The following APC variants were observed in gnomAD, a reference collection of about 807,000 sequenced individuals.
APC encodes adenomatous polyposis coli protein.
A neutral mutation model predicts 247.0 loss-of-function variants in APC; 72 were observed. The ratio of observed to expected loss-of-function variants is 0.29; its 90% confidence interval spans 0.24 to 0.35. APC has a LOEUF of 0.35. Ranked by LOEUF, APC falls within the 10% of genes least tolerant of loss-of-function variation. APC has a pLI of 1.00. For missense variants in APC, 3,400 were observed against 3,360.7 expected (o/e 1.01, Z -0.29); for synonymous variants, 1,254 against 1,162.5 (o/e 1.08, Z -1.60).
intron 14 of APC, among the ~76,000 whole-genome samples, chr5:112,831,113 A>ATT (rs5870514): frequency 3.2e-4 from 46 of 145,980 alleles, no homozygotes; most frequent in African/African-American, 9.5e-4. Context: ...TCTTCTATAA[A>ATT]TTTTTTTTTT....
chr5:112,740,826 T>C (rs1349755426), intron 1 of APC, among the ~76,000 whole-genome samples: 1 of 152,180 alleles, frequency 6.6e-6, no homozygotes, highest in African/African-American at 2.4e-5. Context: ...CATGAAGTTT[T>C]TCCATTTGCA....
At chr5:112,758,938 G>A (rs1755325427) in intron 2 of APC, among the ~76,000 whole-genome samples, 1 of 152,090 alleles carries the variant, frequency 6.6e-6, no homozygotes, top group South Asian at 2.1e-4. Flanking sequence ...AAAATACTGA[G>A]TATAGCAACA....
intron 1 of APC, among the ~76,000 whole-genome samples, chr5:112,726,029 C>G (rs1486257307): frequency 6.6e-6 from 1 of 152,114 alleles, no homozygotes; most frequent in Non-Finnish European, 1.5e-5. Context: ...GGCCACCGTC[C>G]ATGCTCAAAC....
At chr5:112,798,080 A>G (rs1319198905) in intron 7 of APC, among the ~76,000 whole-genome samples, 1 of 152,206 alleles carries the variant, frequency 6.6e-6, no homozygotes, top group Non-Finnish European at 1.5e-5. Flanking sequence ...GTATCTGGCC[A>G]AGAGAAATGA....
chr5:112,815,751 C>T (rs1449208081), intron 9 of APC, among the ~76,000 whole-genome samples, 158 bp downstream of exon 9: 6 of 152,262 alleles, frequency 3.9e-5, no homozygotes, highest in South Asian at 4.1e-4. Flanking sequence ...GCCTGGGCAA[C>T]GTGGCAAAAC....
chr5:112,836,009 C>CT (rs371484714), intron 15 of APC, among the ~76,000 whole-genome samples: 1,179 of 106,274 alleles, frequency 0.011, 50 homozygotes, highest in Non-Finnish European at 0.016. Flanking sequence ...ATACAACTGT[C>CT]TTTTTTTTTT....
chr5:112,759,845 T>C (rs1755453854), intron 2 of APC, among the ~76,000 whole-genome samples: 1 of 152,218 alleles, frequency 6.6e-6, no homozygotes, highest in Non-Finnish European at 1.5e-5. Context: ...ACATTTTTTT[T>C]TGGAACTGCT....
rs766473931 is a variant in APC, at chr5:112,842,985, C to A, written c.7391C>A (p.Ser2464Tyr). 3.1e-6 allele frequency: 5 copies of A among 1,613,966 alleles called. No individual in the cohort carries two copies. The Admixed American group carries it at 5.0e-5, about 16-fold the overall frequency. Residue 2464 changes from serine to tyrosine, a missense_variant, in exon 16 of 16, where the codon TCT (serine) becomes TAT (tyrosine). Ser to Tyr is a moderately radical substitution (Grantham distance 144). This residue lies in a region of APC where 1,788 missense variants were observed against 1,649.5 expected (regional missense o/e 1.08). Transcript: ENST00000257430. ...TTGGAGGAATCTGCTTCATTTGAAT[C>A]TCTTTCTCCATCATCTAGACCAGCT... ...RKLEESASFESLSPSSRPASP... is the reference protein window; with the variant it reads ...RKLEESASFEYLSPSSRPASP...
chr5:112,818,827 GTT>G, intron 9 of APC, 137 bp from the exon 10 acceptor site: 1 of 868,610 alleles, frequency 1.2e-6, no homozygotes, highest in Non-Finnish European at 1.7e-6. Context: ...AGGTTTTCCG[GTT>G]TTTTGTTTTT....
intron 8 of APC, chr5:112,810,427 T>C (rs1040935629): frequency 4.9e-6 from 1 of 204,814 alleles, no homozygotes; most frequent in East Asian, 1.4e-4. Flanking sequence ...CACAGTTTTA[T>C]ATGATACAAA....
intron 2 of APC, among the ~76,000 whole-genome samples, chr5:112,763,576 T>G (rs935328550): frequency 2.6e-5 from 4 of 152,146 alleles, no homozygotes; most frequent in African/African-American, 4.8e-5. Context: ...ACCATTAGTT[T>G]TGAAAAAATT....
At chr5:112,799,708 G>A (rs957701376) in intron 7 of APC, among the ~76,000 whole-genome samples, 4 of 152,098 alleles carry the variant, frequency 2.6e-5, no homozygotes, top group Admixed American at 2.0e-4. Context: ...TCTAAGAATC[G>A]CAGAAAAAGG....
intron 14 of APC, among the ~76,000 whole-genome samples, chr5:112,832,291 C>CT (rs1157919962): frequency 2.6e-5 from 4 of 152,062 alleles, no homozygotes; most frequent in South Asian, 2.1e-4. Flanking sequence ...TAAATTCTTG[C>CT]TTTTTTTGTT....
At chr5:112,734,054 G>C (rs534738435), upstream of APC, among the ~76,000 whole-genome samples, 1 of 152,296 alleles carries the variant, frequency 6.6e-6, no homozygotes, top group African/African-American at 2.4e-5. Flanking sequence ...CCAGTCCTGT[G>C]TGGCTGCTCA....
intron 1 of APC, among the ~76,000 whole-genome samples, chr5:112,715,804 T>C (rs1751137475): frequency 1.3e-5 from 2 of 152,310 alleles, no homozygotes; most frequent in South Asian, 4.1e-4. Context: ...GGTTTTTAAT[T>C]ATTAATTCAA....
rs538291478 is a variant in APC, at chr5:112,836,173, C to G, written c.1958+1008C>G. On this transcript the variant is annotated intron_variant, in intron 15 of 15. Coordinates refer to ENST00000257430, the MANE Select transcript of APC (RefSeq NM_000038.6). ...GTAGCTGGGATTACAGGTCCCCCCC[C>G]CCCCCCGCCACCGTGCCCGGCTAAT... 4.0e-4 allele frequency among the ~76,000 whole-genome samples: 30 copies of G among 74,524 alleles called. 3 individuals carry two copies. In the South Asian group the frequency reaches 4.9e-3, roughly 12 times the overall value. 48.9% of individuals were successfully genotyped at this position (74,524 alleles called of 152,430 possible). A position where few individuals can be genotyped will look rare whatever the true frequency, so the allele number is the denominator to read the frequency against.
chr5:112,843,777 T>G lies in APC; in HGVS notation c.8183T>G (p.Val2728Gly), dbSNP rs748952997. 2.5e-6 allele frequency: 4 copies of G among 1,613,718 alleles called. No homozygotes were observed. Among genetic ancestry groups the G allele is most frequent in the Non-Finnish European group, 3.4e-6 (4 of 1,179,642 alleles). The change falls in exon 16 of 16, where the codon GTG (valine) becomes GGG (glycine). Residue 2728 changes from valine (V) to glycine (G), a missense_variant. Val to Gly is a moderately radical substitution (Grantham distance 109). This residue lies in a region of APC where 1,788 missense variants were observed against 1,649.5 expected (regional missense o/e 1.08). Coordinates refer to ENST00000257430, the MANE Select transcript of APC (RefSeq NM_000038.6). This position sits in a 1 kb window ranked among gnomAD's most constrained non-coding sequence, Gnocchi z 4.8. ...AATCGCCTGAACTCCTTTATTCAGG[T>G]GGATGCCCCTGACCAAAAAGGAACT... ...LENRLNSFIQ[V>G]DAPDQKGTEI...
At chr5:112,827,315 C>A (rs950769214) in intron 12 of APC, 68 bp downstream of exon 12, 1 of 1,554,236 alleles carries the variant, frequency 6.4e-7, no homozygotes, top group Non-Finnish European at 8.9e-7. Context: ...CATACAAATA[C>A]ATTTTACTGA....
At chr5:112,764,980 TAC>T (rs1756109831) in intron 2 of APC, among the ~76,000 whole-genome samples, 2 of 152,228 alleles carry the variant, frequency 1.3e-5, no homozygotes, top group South Asian at 2.1e-4. Context: ...TTGAAAATAA[TAC>T]AGTCACCTTC....
Sources: gnomAD v4.1 joint callset for allele counts (sites outside exome capture counted in the v4.1 genomes callset) on GRCh38, gnomAD v4.1.1 for gene constraint, gnomAD v4.1.1 regional missense constraint, Gnocchi (gnomAD v3.1) non-coding constraint, MANE v1.5 for transcripts, NCBI Gene and HGNC (gene_info 2026-07-23, HGNC 2026-07-21) for gene names.